Variants in SPPL2B observed in about 807,000 individuals in gnomAD.
The protein encoded by SPPL2B is signal peptide peptidase-like 2B.
Under a neutral mutation model 59.7 loss-of-function variants are expected in SPPL2B, and 39 were observed. That is an observed-to-expected ratio of 0.65 (90% CI 0.51 to 0.85). The LOEUF (loss-of-function observed/expected upper bound fraction) is 0.85, where lower values mean the gene tolerates loss of function less well. Among genes scored for constraint, SPPL2B ranks in the 40% least tolerant of loss-of-function variants. SPPL2B has a pLI of 0.00. For missense variants in SPPL2B, 865 were observed against 849.0 expected, an observed-to-expected ratio of 1.02 and a Z score of -0.23; for synonymous variants, 419 against 370.8, an observed-to-expected ratio of 1.13 and a Z score of -1.49.
At chr19:2,352,302 A>G (rs1340738416) in intron 14 of SPPL2B, among the ~76,000 whole-genome samples, 2 of 152,020 alleles carry the variant, frequency 1.3e-5, no homozygotes, top group African/African-American at 2.4e-5. Flanking sequence ...ATGACCGCCC[A>G]GGGAGCAGCC....
At chr19:2,351,805 A>T in intron 14 of SPPL2B, 110 of 153,798 alleles carry the variant, frequency 7.2e-4, no homozygotes, top group East Asian at 2.0e-3. Flanking sequence ...CGGGGGTGCC[A>T]GGTGGGGCCC....
At chr19:2,345,229 G>A (rs757480618) in intron 12 of SPPL2B, 24 bp from the exon 13 acceptor site, 1 of 1,609,610 alleles carries the variant, frequency 6.2e-7, no homozygotes, top group Admixed American at 1.7e-5. Flanking sequence ...GCCCGAGTAA[G>A]CCTCCGCCCT....
At position 2,341,193 on chromosome 19, in the gene SPPL2B, C is replaced by G. The variant is rs772169461; in HGVS notation, c.956+179C>G. 3 of 694,322 alleles carry G rather than the reference C, an allele frequency of 4.3e-6. No individual in the cohort carries two copies. In the African/African-American group the frequency reaches 5.3e-5, roughly 12 times the overall value. The allele number at this position is 694,322 out of a possible 1,614,324, so 43.0% of individuals were successfully genotyped here. A position where few individuals can be genotyped will look rare whatever the true frequency, so the allele number is the denominator to read the frequency against. On this transcript the variant is annotated intron_variant, in intron 8 of 14. Transcript: ENST00000613503. ...TGACAGGGCTGCGAGGGCGTTTCACCTGGGGTTTGTCCGGGTGTCATGGGA... is the reference window on the plus strand; with the variant it reads ...TGACAGGGCTGCGAGGGCGTTTCACGTGGGGTTTGTCCGGGTGTCATGGGA...
At chr19:2,352,202 C>T (rs1049104137) in intron 14 of SPPL2B, among the ~76,000 whole-genome samples, 38 of 152,262 alleles carry the variant, frequency 2.5e-4, no homozygotes, top group African/African-American at 6.3e-4. Flanking sequence ...TTCCAGTGTG[C>T]CGCTCAGGTG....
chr19:2,350,692 C>T (rs1403653989), intron 13 of SPPL2B, among the ~76,000 whole-genome samples: 3 of 152,272 alleles, frequency 2.0e-5, no homozygotes, highest in Admixed American at 1.3e-4. Flanking sequence ...TGCCATGCGA[C>T]AGCCATTGCC....
intron 2 of SPPL2B, among the ~76,000 whole-genome samples, chr19:2,336,007 G>A (rs1968582319): frequency 6.6e-6 from 1 of 152,202 alleles, no homozygotes; most frequent in Non-Finnish European, 1.5e-5. Flanking sequence ...ACATGTAATA[G>A]GTATGTGAAC....
At chr19:2,334,272 C>G (rs778940721) in intron 1 of SPPL2B, among the ~76,000 whole-genome samples, 5 of 152,230 alleles carry the variant, frequency 3.3e-5, no homozygotes, top group Non-Finnish European at 7.3e-5. Flanking sequence ...ATTCTCCCAC[C>G]GTGCCCACTG....
Position 2,328,751 on chromosome 19 carries a change from G to A in SPPL2B, c.42G>A (p.Ala14=). Residue 14 remains alanine, a synonymous_variant, in exon 1 of 15, where the codon GCG becomes GCA. Coordinates refer to ENST00000613503, the MANE Select transcript of SPPL2B (RefSeq NM_152988.3). ...AVAAALARLL[A]AFLLLAAQVA... ...CGGCTGCGCTGGCGCGGCTTTTGGC[G>A]GCCTTTCTGCTCCTCGCGGCCCAGG... is the stretch of plus-strand genomic sequence containing the variant. 1 of 1,463,254 alleles carries A rather than the reference G, an allele frequency of 6.8e-7. No individual in the cohort carries two copies. Among genetic ancestry groups the A allele is most frequent in the Non-Finnish European group, 9.0e-7 (1 of 1,115,888 alleles). 90.6% of individuals were successfully genotyped at this position (1,463,254 alleles called of 1,614,324 possible). A position where few individuals can be genotyped will look rare whatever the true frequency, so the allele number is the denominator to read the frequency against.
In SPPL2B at chr19:2,328,702, C is replaced by G. The variant is rs570512765; in HGVS notation, c.-8C>G. 1 of 1,434,022 alleles carries G rather than the reference C, an allele frequency of 7.0e-7. No individual in the cohort carries two copies. The highest frequency in any genetic ancestry group is 9.1e-7 in the Non-Finnish European group (1 of 1,104,374). The allele number at this position is 1,434,022 out of a possible 1,614,324, so 88.8% of individuals were successfully genotyped here. On this transcript the variant is annotated 5_prime_UTR_variant, in exon 1 of 15. Transcript: ENST00000613503. ...ATCTGCCGTTGGTTGCGGCGGGCAC[C>G]GGCCGACATGGCGGCAGCGGTGGCG...
intron 14 of SPPL2B, among the ~76,000 whole-genome samples, chr19:2,352,305 G>A (rs1273117010): frequency 6.6e-6 from 1 of 152,234 alleles, no homozygotes; most frequent in Non-Finnish European, 1.5e-5. Context: ...ACCGCCCAGG[G>A]AGCAGCCCTG....
At chr19:2,340,653 G>A (rs1968974306) in intron 7 of SPPL2B, 2 of 573,154 alleles carry the variant, frequency 3.5e-6, no homozygotes, top group Non-Finnish European at 6.2e-6. Flanking sequence ...TCGGGCGAAG[G>A]GGCGCAGCGC....
At chr19:2,350,316 C>G (rs954740555) in intron 13 of SPPL2B, among the ~76,000 whole-genome samples, 5 of 62,098 alleles carry the variant, frequency 8.1e-5, no homozygotes, top group African/African-American at 3.0e-4. Context: ...CGCTTGACTC[C>G]GTTCTCTCTC....
chr19:2,343,318 G>C, intron 9 of SPPL2B, 26 bp downstream of exon 9: 1 of 1,530,460 alleles, frequency 6.5e-7, no homozygotes. Flanking sequence ...GCACGGCTGC[G>C]GGGCAGCATG....
rs753224134 is a variant in SPPL2B at position 2,337,493 on chromosome 19, C to G, written c.237C>G (p.Ala79=). The G allele has an allele frequency of 1.9e-6, 3 of 1,613,134 alleles. No individual in the cohort carries two copies. Among genetic ancestry groups the G allele is most frequent in the Admixed American group, 1.7e-5 (1 of 59,962 alleles). Reference sequence around the variant, plus strand: ...CGGCCTCCCTGCTCTGCTCCGCAGCCGACCTCCCCGCCCGTGGCTTCAGCA... The same window carrying G: ...CGGCCTCCCTGCTCTGCTCCGCAGCGGACCTCCCCGCCCGTGGCTTCAGCA... The part of the protein sequence containing the change: ...NWTASLLCSA[A]DLPARGFSNQ... The change falls in exon 3 of 15, where the codon GCC becomes GCG. Residue 79 remains alanine (A), a synonymous_variant. Transcript: ENST00000613503.
At position 2,339,926 on chromosome 19, in the gene SPPL2B, C is replaced by T. The variant is rs1568437492; in HGVS notation, c.702C>T (p.Cys234=). 3 of 1,565,518 alleles carry T rather than the reference C, an allele frequency of 1.9e-6. No homozygotes were observed. Among genetic ancestry groups the T allele is most frequent in the Non-Finnish European group, 2.6e-6 (3 of 1,154,882 alleles). Residue 234 remains cysteine (C), a synonymous_variant, in exon 6 of 15, where the codon TGC becomes TGT. Transcript: ENST00000613503. The part of the protein sequence containing the change: ...VMTCVFVVMC[C]SMLVLLYYFY... ...CCTGCGTGTTTGTGGTGATGTGCTG[C>T]TCCATGCTGGTGCTGCTCTACTATT... is the stretch of plus-strand genomic sequence containing the variant.
intron 13 of SPPL2B, among the ~76,000 whole-genome samples, chr19:2,348,332 TTC>T (rs1297753444): frequency 4.6e-5 from 4 of 86,556 alleles, no homozygotes; most frequent in Admixed American, 1.2e-4. Context: ...CTTGATGCGG[TTC>T]TCTCTCCACA....
At position 2,351,570 on chromosome 19, in the gene SPPL2B, G is replaced by A. The variant is rs764695131; in HGVS notation, c.1491G>A (p.Val497=). The change falls in exon 14 of 15, where the codon GTG becomes GTA. Residue 497 remains valine (V), a synonymous_variant. Coordinates refer to ENST00000613503, the MANE Select transcript of SPPL2B (RefSeq NM_152988.3). The part of the protein sequence containing the change: ...AVALWRRELG[V]FWTGSGFAKV... Reference sequence around the variant, plus strand: ...CGCTCTGGCGCCGGGAGCTGGGCGTGTTCTGGACGGGCAGCGGCTTTGCGG... The same window carrying A: ...CGCTCTGGCGCCGGGAGCTGGGCGTATTCTGGACGGGCAGCGGCTTTGCGG... 34 of 1,610,832 alleles carry A rather than the reference G, an allele frequency of 2.1e-5. No individual in the cohort carries two copies. In the Admixed American group the frequency reaches 2.7e-4, roughly 13 times the overall value.
intron 7 of SPPL2B, among the ~76,000 whole-genome samples, chr19:2,340,697 C>T (rs1046005119): frequency 1.3e-5 from 2 of 152,154 alleles, no homozygotes; most frequent in African/African-American, 4.8e-5. Context: ...GCCCGTGGCC[C>T]CCAGCGCCTG....
At chr19:2,340,615 A>C in intron 7 of SPPL2B, 2 of 550,558 alleles carry the variant, frequency 3.6e-6, no homozygotes, top group East Asian at 6.4e-5. Flanking sequence ...CTGGGTGAGG[A>C]GGTGGGAGGT....
Sources: gnomAD v4.1 joint callset for allele counts (sites outside exome capture counted in the v4.1 genomes callset) on GRCh38, gnomAD v4.1.1 for gene constraint, MANE v1.5 for transcripts, NCBI Gene and HGNC (gene_info 2026-07-23, HGNC 2026-07-21) for gene names.